The following ARHGAP32 variants were observed in gnomAD, a reference collection of about 807,000 sequenced individuals.
ARHGAP32 encodes rho GTPase-activating protein 32.
A neutral mutation model predicts 186.5 loss-of-function variants in ARHGAP32; 51 were observed. The ratio of observed to expected loss-of-function variants is 0.27; its 90% confidence interval spans 0.22 to 0.35. The LOEUF (loss-of-function observed/expected upper bound fraction) is 0.35, where lower values mean the gene tolerates loss of function less well. ARHGAP32 is among the 10% of genes least tolerant of loss of function. The pLI, the probability that ARHGAP32 is intolerant of heterozygous loss-of-function variation, is 1.00. For missense variants in ARHGAP32, 2,186 were observed against 2,623.5 expected, an observed-to-expected ratio of 0.83 and a Z score of 3.64; for synonymous variants, 950 against 964.3, an observed-to-expected ratio of 0.99 and a Z score of 0.27.
At chr11:129,262,084 C>T (rs998235680) in intron 1 of ARHGAP32, among the ~76,000 whole-genome samples, 2 of 151,980 alleles carry the variant, frequency 1.3e-5, no homozygotes, top group South Asian at 2.1e-4. Flanking sequence ...AAAATGTTCA[C>T]GAACAATATT....
intron 2 of ARHGAP32, among the ~76,000 whole-genome samples, chr11:129,137,727 GGT>G (rs558194769): frequency 1.3e-5 from 2 of 151,960 alleles, no homozygotes; most frequent in Non-Finnish European, 2.9e-5. Context: ...CTTTTTTGAG[GGT>G]GTGTGTCTGT....
intron 6 of ARHGAP32, among the ~76,000 whole-genome samples, chr11:129,077,790 A>C (rs1473778155): frequency 1.3e-5 from 2 of 152,034 alleles, no homozygotes; most frequent in Non-Finnish European, 1.5e-5. Context: ...TATCCAGGAG[A>C]CCTTAGCCAA....
At chr11:129,051,695 G>A (rs912846354) in intron 10 of ARHGAP32, among the ~76,000 whole-genome samples, 11 of 151,790 alleles carry the variant, frequency 7.2e-5, no homozygotes, top group South Asian at 2.1e-4. Flanking sequence ...GGTGGCTCAC[G>A]CCTGTAATCC....
At chr11:129,023,413 T>C (rs1938688851) in intron 11 of ARHGAP32, among the ~76,000 whole-genome samples, 1 of 152,188 alleles carries the variant, frequency 6.6e-6, no homozygotes, top group Non-Finnish European at 1.5e-5. Context: ...TTAAGTGCAT[T>C]AGCACTGCCC....
At chr11:129,104,487 T>C (rs527567354) in intron 5 of ARHGAP32, among the ~76,000 whole-genome samples, 3 of 151,950 alleles carry the variant, frequency 2.0e-5, no homozygotes, top group East Asian at 3.9e-4. Context: ...ATAAAAAGAA[T>C]AGAAAAATGA....
chr11:129,098,425 CTT>C (rs530331028), intron 5 of ARHGAP32, among the ~76,000 whole-genome samples: 2 of 145,674 alleles, frequency 1.4e-5, no homozygotes, highest in African/African-American at 2.5e-5. Flanking sequence ...TTTCTTTTTT[CTT>C]TTTTTTTTTG....
At chr11:129,267,028 T>C (rs1381944800) in intron 1 of ARHGAP32, among the ~76,000 whole-genome samples, 2 of 152,094 alleles carry the variant, frequency 1.3e-5, no homozygotes, top group East Asian at 1.9e-4. Context: ...GCAAACTTCA[T>C]AGTTCAAGGA....
At chr11:129,230,565 AG>A (rs1356333841) in intron 1 of ARHGAP32, among the ~76,000 whole-genome samples, 1 of 77,340 alleles carries the variant, frequency 1.3e-5, no homozygotes, top group East Asian at 3.9e-4. Flanking sequence ...ATATGGAAAA[AG>A]CAAACAAGTT....
chr11:129,038,033 G>A (rs951602420), intron 11 of ARHGAP32, among the ~76,000 whole-genome samples: 23 of 151,686 alleles, frequency 1.5e-4, no homozygotes, highest in African/African-American at 4.9e-4. Context: ...CTCAGGAGGC[G>A]GAGGTTGCAG....
intron 2 of ARHGAP32, among the ~76,000 whole-genome samples, chr11:129,154,283 G>A (rs1055690673): frequency 6.6e-6 from 1 of 152,178 alleles, no homozygotes; most frequent in Non-Finnish European, 1.5e-5. Context: ...TTGCTGATGG[G>A]AATGTAAACT....
chr11:129,120,498 A>C (rs918802507), intron 5 of ARHGAP32, among the ~76,000 whole-genome samples: 6 of 152,100 alleles, frequency 3.9e-5, no homozygotes, highest in Admixed American at 1.3e-4. Flanking sequence ...TGACCCAGTA[A>C]AAGTACTGAC....
chr11:129,193,052 T>G (rs1944298031), upstream of ARHGAP32, among the ~76,000 whole-genome samples: 2 of 152,122 alleles, frequency 1.3e-5, no homozygotes, highest in Admixed American at 1.3e-4. Flanking sequence ...ACTGACCTGC[T>G]GGATATTCAT....
chr11:129,071,097 C>T (rs577381006), intron 6 of ARHGAP32, among the ~76,000 whole-genome samples: 8 of 151,942 alleles, frequency 5.3e-5, no homozygotes, highest in Non-Finnish European at 8.8e-5. Flanking sequence ...CTGTAACACT[C>T]AGTGAGTTAC....
At chr11:129,020,247 TA>T (rs957812532) in intron 11 of ARHGAP32, among the ~76,000 whole-genome samples, 4 of 152,036 alleles carry the variant, frequency 2.6e-5, no homozygotes, top group African/African-American at 7.2e-5. Context: ...AAATTTAAGA[TA>T]AAAAAATCAC....
chr11:129,031,693 G>A (rs910230981), intron 11 of ARHGAP32, among the ~76,000 whole-genome samples: 1 of 152,180 alleles, frequency 6.6e-6, no homozygotes, highest in Admixed American at 6.5e-5. Context: ...TCCCTGGCAA[G>A]GGCCACACTC....
chr11:129,183,497 T>C (rs1489062178), intron 1 of ARHGAP32, among the ~76,000 whole-genome samples: 1 of 152,202 alleles, frequency 6.6e-6, no homozygotes, highest in Non-Finnish European at 1.5e-5. Flanking sequence ...AATGATGTTT[T>C]ACATTTTTAT....
intron 12 of ARHGAP32, among the ~76,000 whole-genome samples, 198 bp downstream of exon 12, chr11:128,998,121 T>A (rs1298216936): frequency 2.0e-5 from 3 of 152,156 alleles, no homozygotes; most frequent in Non-Finnish European, 4.4e-5. Flanking sequence ...AACACGAACA[T>A]CTCTAATGCC....
intron 6 of ARHGAP32, among the ~76,000 whole-genome samples, chr11:129,091,685 G>T (rs1565417996): frequency 6.6e-6 from 1 of 152,060 alleles, no homozygotes; most frequent in African/African-American, 2.4e-5. Flanking sequence ...CTTATCTGAA[G>T]ATTAAGCAGT....
rs780319670 is a variant in ARHGAP32, at chr11:128,972,703, T to C, written c.3803A>G (p.Glu1268Gly). Residue 1268 changes from glutamate to glycine, a missense_variant, in exon 22 of 23, where the codon GAG (glutamate) becomes GGG (glycine). Transcript: ENST00000682385. ...KIYPPSGSPE[E>G]NTSTATMTYM... ...AGTCATGGTGGCTGTGCTGGTATTC[T>C]CTTCGGGGGACCCAGAAGGAGGGTA... is the stretch of plus-strand genomic sequence containing the variant. 1.9e-6 allele frequency: 3 copies of C among 1,613,966 alleles called. No homozygotes were observed. Among genetic ancestry groups the C allele is most frequent in the African/African-American group, 2.7e-5 (2 of 74,892 alleles).
Sources: gnomAD v4.1 joint callset for allele counts (sites outside exome capture counted in the v4.1 genomes callset) on GRCh38, gnomAD v4.1.1 for gene constraint, MANE v1.5 for transcripts, NCBI Gene and HGNC (gene_info 2026-07-23, HGNC 2026-07-21) for gene names.